The following ANGPT1 variants were observed in gnomAD, a reference collection of about 807,000 sequenced individuals.
ANGPT1 encodes the protein angiopoietin-1.
In ANGPT1, 17 loss-of-function variants were observed where a neutral mutation model predicts 62.2. That is an observed-to-expected ratio of 0.27 (90% CI 0.19 to 0.41). ANGPT1 has a LOEUF of 0.41. ANGPT1 is among the 10% of genes least tolerant of loss of function. ANGPT1 has a pLI of 1.00. For missense variants in ANGPT1, 478 were observed against 594.9 expected, an observed-to-expected ratio of 0.80 and a Z score of 2.04; for synonymous variants, 199 against 198.9, an observed-to-expected ratio of 1.00 and a Z score of 0.00.
At chr8:107,416,928 A>G (rs1042467343) in intron 1 of ANGPT1, among the ~76,000 whole-genome samples, 34 of 151,246 alleles carry the variant, frequency 2.2e-4, no homozygotes, top group African/African-American at 8.3e-4. Context: ...AGTAGCTAGG[A>G]CTATAGGTAT....
chr8:107,399,779 T>A (rs1817007624), intron 1 of ANGPT1, among the ~76,000 whole-genome samples: 1 of 152,106 alleles, frequency 6.6e-6, no homozygotes, highest in African/African-American at 2.4e-5. Flanking sequence ...AACACAGTGG[T>A]CAGTCACACC....
chr8:107,351,643 C>T (rs927129076), intron 1 of ANGPT1, among the ~76,000 whole-genome samples: 3 of 151,936 alleles, frequency 2.0e-5, no homozygotes, highest in Admixed American at 2.0e-4. Flanking sequence ...ATTACTTTCA[C>T]TTGGTTTCAC....
intron 2 of ANGPT1, among the ~76,000 whole-genome samples, chr8:107,337,266 A>G (rs1356406552): frequency 2.6e-5 from 4 of 152,194 alleles, no homozygotes; most frequent in African/African-American, 7.2e-5. Context: ...AATCTGAGGA[A>G]ATGAAATGAC....
At chr8:107,352,510 C>T (rs570112762) in intron 1 of ANGPT1, among the ~76,000 whole-genome samples, 2 of 152,216 alleles carry the variant, frequency 1.3e-5, no homozygotes, top group Non-Finnish European at 2.9e-5. Context: ...ACTAGACTCT[C>T]AAAACCCTTG....
In ANGPT1 at chr8:107,301,684, G is replaced by C. The variant is rs891115020; in HGVS notation, c.936+1556C>G. Among the ~76,000 whole-genome samples, 5 of 151,976 alleles carry C rather than the reference G, an allele frequency of 3.3e-5. No homozygotes were observed. In the East Asian group the frequency reaches 7.7e-4, roughly 24 times the overall value. ...GGCTGAGGTAGCAAAGTACAGAAGA[G>C]TGCCTCCTGCCTGTCCTCCCTCCTG... On this transcript the variant is annotated intron_variant, in intron 5 of 8. Transcript: ENST00000517746.
rs149628829 is a variant in ANGPT1, at chr8:107,303,371, C to CAAAAAAAA, written c.809-12_809-5dup. The CAAAAAAAA allele has an allele frequency of 8.2e-7, 1 of 1,219,542 alleles. No individual in the cohort carries two copies. Among genetic ancestry groups the CAAAAAAAA allele is most frequent in the African/African-American group, 1.7e-5 (1 of 59,372 alleles). The allele number at this position is 1,219,542 out of a possible 1,614,324, so 75.5% of individuals were successfully genotyped here. A position where few individuals can be genotyped will look rare whatever the true frequency, so the allele number is the denominator to read the frequency against. On this transcript the variant is annotated splice_region_variant and splice_polypyrimidine_tract_variant and intron_variant, in intron 4 of 8. Transcript: ENST00000517746. ...CTTTTTCCTCCCTTTAGTAAAACTG[C>CAAAAAAAA]AAAAAAAAAAAAAAAGATTGCAATA...
chr8:107,344,995 A>G (rs1265086451), intron 2 of ANGPT1, among the ~76,000 whole-genome samples: 3 of 152,224 alleles, frequency 2.0e-5, no homozygotes, highest in Admixed American at 6.5e-5. Context: ...GTATACATTT[A>G]CATATAACAG....
intron 4 of ANGPT1, among the ~76,000 whole-genome samples, chr8:107,307,064 T>A (rs1814736343): frequency 6.6e-6 from 1 of 152,080 alleles, no homozygotes; most frequent in Non-Finnish European, 1.5e-5. Context: ...AAAAGGTTGA[T>A]CTTTATGTCT....
Position 107,284,782 on chromosome 8 carries a change from T to A in ANGPT1, c.1105A>T (p.Arg369Trp). 1 of 1,611,740 alleles carries A rather than the reference T, an allele frequency of 6.2e-7. No homozygotes were observed. ...AACTCAATTCTTAGCATGTACTGCC[T>A]CTGACTGGTAATGGCAAAAATAAAC... ...NEFIFAITSQ[R>W]QYMLRIELMD... The change falls in exon 7 of 9, where the codon AGG becomes TGG. Residue 369 changes from arginine to tryptophan, a missense_variant. Arg to Trp is a moderately radical substitution (Grantham distance 101). This residue lies in a region of ANGPT1 where 81 missense variants were observed against 117.1 expected (regional missense o/e 0.69). Transcript: ENST00000517746.
chr8:107,332,785 G>C (rs1815453838), intron 3 of ANGPT1, among the ~76,000 whole-genome samples: 1 of 152,240 alleles, frequency 6.6e-6, no homozygotes, highest in Admixed American at 6.5e-5. Context: ...GCTTAATTTA[G>C]ATAATCCCCC....
chr8:107,287,210 T>C (rs2130148207), intron 6 of ANGPT1, among the ~76,000 whole-genome samples: 1 of 152,282 alleles, frequency 6.6e-6, no homozygotes, highest in East Asian at 1.9e-4. Context: ...GAAAGCGCTG[T>C]GTGGATAAAA....
chr8:107,392,476 G>T (rs955813288), intron 1 of ANGPT1, among the ~76,000 whole-genome samples: 3 of 151,958 alleles, frequency 2.0e-5, no homozygotes, highest in African/African-American at 7.2e-5. Flanking sequence ...ATCCATTGGG[G>T]TTACAGATTT....
chr8:107,370,219 G>GA (rs374007210), intron 1 of ANGPT1, among the ~76,000 whole-genome samples: 5 of 127,922 alleles, frequency 3.9e-5, no homozygotes, highest in Non-Finnish European at 6.6e-5. Flanking sequence ...AAGAAAGAAA[G>GA]GAGAAAGGAA....
intron 1 of ANGPT1, among the ~76,000 whole-genome samples, chr8:107,449,432 A>T (rs1458080202): frequency 6.6e-6 from 1 of 151,242 alleles, no homozygotes; most frequent in Admixed American, 6.6e-5. Flanking sequence ...ACACACAGAA[A>T]ACTTCTGATA....
intron 7 of ANGPT1, among the ~76,000 whole-genome samples, chr8:107,277,201 T>G (rs375121412): frequency 5.3e-5 from 8 of 152,206 alleles, no homozygotes; most frequent in African/African-American, 1.9e-4. Flanking sequence ...ATTTACTAAT[T>G]AAGTTAATAG....
intron 2 of ANGPT1, chr8:107,336,516 T>G (rs1024429397): frequency 2.0e-5 from 8 of 396,204 alleles, no homozygotes; most frequent in Non-Finnish European, 2.7e-5. Context: ...ATACAAAAAC[T>G]TAGCCGGGCG....
chr8:107,274,372 T>C (rs779105191), intron 7 of ANGPT1, among the ~76,000 whole-genome samples: 8 of 152,080 alleles, frequency 5.3e-5, no homozygotes, highest in Non-Finnish European at 8.8e-5. Context: ...ATAATAACTT[T>C]TAAGAGAGTA....
At chr8:107,431,265 T>G (rs1015775787) in intron 1 of ANGPT1, among the ~76,000 whole-genome samples, 1 of 152,212 alleles carries the variant, frequency 6.6e-6, no homozygotes, top group Non-Finnish European at 1.5e-5. Context: ...AAAAATTGAC[T>G]GTGTCTAATA....
intron 7 of ANGPT1, among the ~76,000 whole-genome samples, chr8:107,271,904 TAA>T (rs35257524): frequency 0.18 from 24,628 of 138,154 alleles, 2,185 homozygotes; most frequent in East Asian, 0.26. Flanking sequence ...TTGATACTGG[TAA>T]AAAAAAAAAA....
Sources: allele counts gnomAD v4.1 joint callset (sites outside exome capture counted in the v4.1 genomes callset), GRCh38; gene constraint gnomAD v4.1.1; regional missense constraint gnomAD v4.1.1; transcripts MANE v1.5; gene names NCBI Gene and HGNC (gene_info 2026-07-23, HGNC 2026-07-21).